Variants in ITGB8 observed in about 807,000 individuals in gnomAD.
The protein encoded by ITGB8 is integrin beta-8.
Under a neutral mutation model 89.5 loss-of-function variants are expected in ITGB8, and 30 were observed. The ratio of observed to expected loss-of-function variants is 0.34; its 90% CI spans 0.25 to 0.45. The LOEUF (loss-of-function observed/expected upper bound fraction) is 0.45, where lower values mean the gene tolerates loss of function less well. Among genes scored for constraint, ITGB8 ranks in the 20% least tolerant of loss-of-function variants. ITGB8 has a pLI of 1.00. For synonymous variants in ITGB8, 335 were observed against 320.4 expected, an observed-to-expected ratio of 1.05 and a Z score of -0.49; for missense variants, 836 against 933.3, an observed-to-expected ratio of 0.90 and a Z score of 1.36.
rs1482641936 is a variant in ITGB8, at chr7:20,414,174, AT to A, written c.*4178del. 6.6e-6 allele frequency: 1 copy of A among 152,144 alleles called. No homozygotes were observed. The highest frequency in any genetic ancestry group is 1.5e-5 in the Non-Finnish European group (1 of 67,978). The allele number at this position is 152,144 out of a possible 1,614,324, so 9.4% of individuals were successfully genotyped here. ...TCCAACTTTACCTAAATGTTTATGC[AT>A]CTAGGCAAATTTTGTTTTCTTATAA... On this transcript the variant is annotated 3_prime_UTR_variant, in exon 14 of 14. Transcript: ENST00000222573.
intron 6 of ITGB8, among the ~76,000 whole-genome samples, chr7:20,387,440 A>G (rs1786671278): frequency 1.3e-5 from 2 of 152,210 alleles, no homozygotes; most frequent in South Asian, 4.1e-4. Flanking sequence ...CTTTACACCT[A>G]TGGAAACTGA....
chr7:20,376,815 C>T (rs6959923), intron 3 of ITGB8, among the ~76,000 whole-genome samples: 2 of 152,116 alleles, frequency 1.3e-5, no homozygotes, highest in Non-Finnish European at 2.9e-5. Flanking sequence ...TACTAAAAGG[C>T]CTGTGTATGG....
intron 1 of ITGB8, among the ~76,000 whole-genome samples, chr7:20,356,993 G>T (rs1395230436): frequency 1.3e-5 from 2 of 152,142 alleles, no homozygotes; most frequent in African/African-American, 4.8e-5. Context: ...CTAAGTGGGT[G>T]TCATGAATAT....
rs751037124 is a variant in ITGB8, at chr7:20,351,878, CA to C, written c.128-11758del. 2.7e-3 allele frequency among the ~76,000 whole-genome samples: 93 copies of C among 35,082 alleles called. No homozygotes were observed. The Middle Eastern group carries it at 0.038, about 15-fold the overall frequency. The allele number at this position is 35,082 out of a possible 152,430, so 23.0% of individuals were successfully genotyped here. A position where few individuals can be genotyped will look rare whatever the true frequency, so the allele number is the denominator to read the frequency against. ...GCATTTGAAGTTTGGACATGAATAA[CA>C]GTGCTTTTTTTTTTAAGTTGGAGAA... On this transcript the variant is annotated intron_variant, in intron 1 of 13. Coordinates refer to ENST00000222573, the MANE Select transcript of ITGB8 (RefSeq NM_002214.3).
intron 1 of ITGB8, among the ~76,000 whole-genome samples, chr7:20,344,255 C>T (rs1402126134): frequency 1.3e-5 from 2 of 151,498 alleles, no homozygotes; most frequent in African/African-American, 2.4e-5. Flanking sequence ...AGAACATTGC[C>T]GTCTTTTCTA....
At chr7:20,335,169 C>A (rs1013475189) in intron 1 of ITGB8, among the ~76,000 whole-genome samples, 1 of 152,052 alleles carries the variant, frequency 6.6e-6, no homozygotes, top group African/African-American at 2.4e-5. Flanking sequence ...AAAAATACTA[C>A]TGGAGGAGGA....
intron 3 of ITGB8, among the ~76,000 whole-genome samples, chr7:20,378,732 T>G (rs914250606): frequency 6.6e-6 from 1 of 152,096 alleles, no homozygotes; most frequent in Admixed American, 6.5e-5. Flanking sequence ...GCAATGGAGG[T>G]TCATATAATG....
chr7:20,331,795 C>T lies in ITGB8; in HGVS notation c.-12C>T, dbSNP rs772144177. The T allele has an allele frequency of 1.2e-6, 2 of 1,608,862 alleles. No homozygotes were observed. The highest frequency in any genetic ancestry group is 2.2e-5 in the East Asian group (1 of 44,600). On this transcript the variant is annotated 5_prime_UTR_variant, in exon 1 of 14. Transcript: ENST00000222573. ...AGTCAGGCGGCGGGCGCGGGGCGGG[C>T]TGTTTTGCATTATGTGCGGCTCGGC...
chr7:20,341,539 A>G (rs1355296404), intron 1 of ITGB8, among the ~76,000 whole-genome samples: 1 of 152,176 alleles, frequency 6.6e-6, no homozygotes, highest in Non-Finnish European at 1.5e-5. Context: ...AAGATATAGC[A>G]TGTTTGATGC....
chr7:20,346,179 T>A (rs2128129500), intron 1 of ITGB8, among the ~76,000 whole-genome samples: 1 of 152,196 alleles, frequency 6.6e-6, no homozygotes, highest in East Asian at 1.9e-4. Context: ...CTCAAGGCTG[T>A]TAGGATTCTG....
At chr7:20,353,931 CAAAAAAAA>C (rs1158594685) in intron 1 of ITGB8, among the ~76,000 whole-genome samples, 3 of 55,712 alleles carry the variant, frequency 5.4e-5, no homozygotes, top group African/African-American at 7.9e-5. Context: ...GACTCCGTCT[CAAAAAAAA>C]AAAAAAAAAA....
intron 1 of ITGB8, among the ~76,000 whole-genome samples, chr7:20,341,393 G>C (rs1456229626): frequency 6.6e-6 from 1 of 152,154 alleles, no homozygotes; most frequent in Non-Finnish European, 1.5e-5. Flanking sequence ...GGTCCCTTTT[G>C]ATGAGTGTGT....
chr7:20,372,158 C>T (rs1180786231), intron 3 of ITGB8, among the ~76,000 whole-genome samples: 1 of 152,100 alleles, frequency 6.6e-6, no homozygotes, highest in African/African-American at 2.4e-5. Context: ...AAATGTCTTG[C>T]TCTTTTTTAA....
chr7:20,399,904 A>G (rs890990456), intron 9 of ITGB8, among the ~76,000 whole-genome samples: 4 of 152,210 alleles, frequency 2.6e-5, no homozygotes, highest in African/African-American at 7.2e-5. Context: ...TGAATAAAAG[A>G]GACTCTTCTC....
chr7:20,340,248 T>G (rs1256171403), intron 1 of ITGB8, among the ~76,000 whole-genome samples: 1 of 152,180 alleles, frequency 6.6e-6, no homozygotes, highest in Non-Finnish European at 1.5e-5. Flanking sequence ...TCCAGATAAA[T>G]ATTGGTATCG....
At chr7:20,401,244 G>A (rs946386581) in intron 9 of ITGB8, among the ~76,000 whole-genome samples, 1 of 152,148 alleles carries the variant, frequency 6.6e-6, no homozygotes, top group Non-Finnish European at 1.5e-5. Context: ...CTCCCAAAGT[G>A]CTGGGATTAC....
rs72374105 is a variant in ITGB8 at position 20,337,377 on chromosome 7, CTATT to C, written c.127+5445_127+5448del. ...CAAGCTATTCTAACTCCTTTAATGA[CTATT>C]CATTCAGACTTTCTTAAAGCACATA... On this transcript the variant is annotated intron_variant, in intron 1 of 13. Coordinates refer to ENST00000222573, the MANE Select transcript of ITGB8 (RefSeq NM_002214.3). Among the ~76,000 whole-genome samples, 617 of 152,278 alleles carry C rather than the reference CTATT, an allele frequency of 4.1e-3. 5 individuals carry two copies. The highest frequency in any genetic ancestry group is 0.014 in the African/African-American group (585 of 41,546).
At chr7:20,381,915 T>A (rs1244541123) in intron 6 of ITGB8, 30 bp downstream of exon 6, 1 of 1,567,560 alleles carries the variant, frequency 6.4e-7, no homozygotes, top group Non-Finnish European at 8.7e-7. Flanking sequence ...TTAGTAGATA[T>A]GACTCTTTTG....
At chr7:20,407,550 A>G (rs779077380) in intron 12 of ITGB8, among the ~76,000 whole-genome samples, 2 of 152,196 alleles carry the variant, frequency 1.3e-5, no homozygotes, top group Non-Finnish European at 2.9e-5. Flanking sequence ...GAGACTGCAC[A>G]AAAGAGTAAA....
Sources: gnomAD v4.1 joint callset for allele counts (sites outside exome capture counted in the v4.1 genomes callset) on GRCh38, gnomAD v4.1.1 for gene constraint, MANE v1.5 for transcripts, NCBI Gene and HGNC (gene_info 2026-07-23, HGNC 2026-07-21) for gene names.